Variants in KMT2C observed in about 807,000 individuals in gnomAD.
KMT2C encodes the protein histone-lysine N-methyltransferase 2C.
KMT2C carries 88 observed loss-of-function variants against 507.9 expected under a neutral mutation model. The observed-to-expected ratio is 0.17, with a 90% confidence interval of 0.15 to 0.21. KMT2C has a LOEUF of 0.21. Among genes scored for constraint, KMT2C ranks in the 10% least tolerant of loss-of-function variants. KMT2C has a pLI of 1.00. For synonymous variants in KMT2C, 2,049 were observed against 2,080.8 expected (o/e 0.98, Z 0.42); for missense variants, 4,954 against 5,957.8 (o/e 0.83, Z 5.55).
At chr7:152,154,494 G>C in intron 46 of KMT2C, 49 bp from the exon 47 acceptor site, 1 of 1,557,192 alleles carries the variant, frequency 6.4e-7, no homozygotes, top group Non-Finnish European at 8.8e-7. Context: ...CCACCACTGG[G>C]GGCTTCCTGT....
intron 13 of KMT2C, 48 bp downstream of exon 13, chr7:152,249,828 A>T (rs2095536157): frequency 8.5e-7 from 1 of 1,174,632 alleles, no homozygotes; most frequent in Non-Finnish European, 1.3e-6. Context: ...GGATAAAGAC[A>T]TTATCTTGTA....
intron 3 of KMT2C, among the ~76,000 whole-genome samples, chr7:152,323,084 C>CA (rs1470216195): frequency 6.6e-6 from 1 of 151,664 alleles, no homozygotes; most frequent in Non-Finnish European, 1.5e-5. Flanking sequence ...GTGGGGGTGT[C>CA]AATTAGTATA....
chr7:152,407,671 CA>C (rs11440446), intron 1 of KMT2C, among the ~76,000 whole-genome samples: 212 of 135,922 alleles, frequency 1.6e-3, no homozygotes, highest in East Asian at 9.4e-3. Context: ...GACTCTGTCT[CA>C]AAAAAAAAAA....
chr7:152,193,963 A>G (rs2093887167), intron 31 of KMT2C, 46 bp downstream of exon 31: 1 of 1,478,762 alleles, frequency 6.8e-7, no homozygotes, highest in Middle Eastern at 1.8e-4. Flanking sequence ...CCACATATAT[A>G]CACATGTGTG....
intron 44 of KMT2C, among the ~76,000 whole-genome samples, chr7:152,157,327 C>CA (rs5888464): frequency 0.034 from 1,975 of 58,596 alleles, 24 homozygotes; most frequent in Admixed American, 0.087. Context: ...GACCCTGTCT[C>CA]AAAAAAAAAA....
intron 1 of KMT2C, among the ~76,000 whole-genome samples, chr7:152,429,395 A>G (rs2097847857): frequency 6.6e-6 from 1 of 152,236 alleles, no homozygotes; most frequent in Admixed American, 6.5e-5. Flanking sequence ...GGCTTTTTCT[A>G]GAATATTACA....
chr7:152,176,908 C>T lies in KMT2C; in HGVS notation c.8545G>A (p.Val2849Ile), dbSNP rs2129113856. 3.7e-6 allele frequency: 6 copies of T among 1,614,188 alleles called. No individual in the cohort carries two copies. The highest frequency in any genetic ancestry group is 4.2e-6 in the Non-Finnish European group (5 of 1,180,036). Residue 2849 changes from valine to isoleucine, a missense_variant, in exon 38 of 59, where the codon GTT (valine) becomes ATT (isoleucine). Val to Ile is a conservative substitution (Grantham distance 29, BLOSUM62 3). Transcript: ENST00000262189. ...TEKNDENKDN[V>I]DTPCSQASAH... ...GAAGCCTGTGAGCAAGGAGTGTCAA[C>T]ATTATCTTTATTCTCATCATTTTTT...
rs147741272 is a variant in KMT2C, at chr7:152,224,521, C to A, written c.3072G>T (p.Leu1024=). The A allele has an allele frequency of 2.5e-6, 4 of 1,611,848 alleles. 1 individual carries two copies. The Admixed American group carries it at 5.0e-5, about 20-fold the overall frequency. Residue 1024 remains leucine, a synonymous_variant, in exon 19 of 59, where the codon CTG becomes CTT. Transcript: ENST00000262189. ...GATAACTTATGTCACAGTCATCACACAGCAGGAGTCTTCCTGGGTCAGTTG... is the reference window on the plus strand; with the variant it reads ...GATAACTTATGTCACAGTCATCACAAAGCAGGAGTCTTCCTGGGTCAGTTG... ...GKATDPGRLL[L]CDDCDISYHT...
At position 152,177,855 on chromosome 7, in the gene KMT2C, T is replaced by G. The variant is rs1563264348; in HGVS notation, c.7598A>C (p.Asn2533Thr). The change falls in exon 38 of 59, where the codon AAT (asparagine) becomes ACT (threonine). Residue 2533 changes from asparagine (N) to threonine (T), a missense_variant. By Grantham distance (65) the Asn-to-Thr change is moderately conservative. This residue lies in a region of KMT2C where 1,689 missense variants were observed against 1,654.3 expected (regional missense o/e 1.02). Transcript: ENST00000262189. Reference protein sequence around the residue: ...PRPLNNSQMNNPVGLPQHFSP... With the variant: ...PRPLNNSQMNTPVGLPQHFSP... ...AAAATGCTGAGGAAGTCCAACTGGATTATTCATTTGTGAGTTATTTAAAGG... is the reference window on the plus strand; with the variant it reads ...AAAATGCTGAGGAAGTCCAACTGGAGTATTCATTTGTGAGTTATTTAAAGG... The G allele has an allele frequency of 6.2e-7, 1 of 1,613,386 alleles. No individual in the cohort carries two copies. The highest frequency in any genetic ancestry group is 8.5e-7 in the Non-Finnish European group (1 of 1,179,822).
rs1359642342 is a variant in KMT2C, at chr7:152,174,174, T to C, written c.9331A>G (p.Met3111Val). The change falls in exon 39 of 59, where the codon ATG becomes GTG. Residue 3111 changes from methionine to valine, a missense_variant. Met to Val is a conservative substitution (Grantham distance 21). Transcript: ENST00000262189. ...MVALKGINKV[M>V]AQNNLGMPPM... Reference sequence around the variant, plus strand: ...GGCATGCCCAGATTGTTTTGTGCCATCACTTTATTTATACCTTTAAGGGCC... The same window carrying C: ...GGCATGCCCAGATTGTTTTGTGCCACCACTTTATTTATACCTTTAAGGGCC... The C allele has an allele frequency of 6.2e-7, 1 of 1,611,122 alleles. No individual in the cohort carries two copies. The highest frequency in any genetic ancestry group is 8.5e-7 in the Non-Finnish European group (1 of 1,178,498).
intron 6 of KMT2C, among the ~76,000 whole-genome samples, chr7:152,287,353 A>T (rs2096318624): frequency 6.6e-6 from 1 of 152,198 alleles, no homozygotes. Context: ...CAAAGGTGTA[A>T]TGCAAGTCCA....
chr7:152,263,440 TG>T (rs2129172570), intron 8 of KMT2C, among the ~76,000 whole-genome samples: 1 of 152,252 alleles, frequency 6.6e-6, no homozygotes, highest in African/African-American at 2.4e-5. Flanking sequence ...GAGAGGAAGG[TG>T]CTATAACTGA....
chr7:152,427,840 A>G (rs2097833792), intron 1 of KMT2C, among the ~76,000 whole-genome samples: 1 of 152,064 alleles, frequency 6.6e-6, no homozygotes, highest in Admixed American at 6.5e-5. Flanking sequence ...CATCCAATCT[A>G]TTTGGATGCC....
chr7:152,357,945 TTATC>T (rs969848441), intron 2 of KMT2C, among the ~76,000 whole-genome samples: 1 of 152,204 alleles, frequency 6.6e-6, no homozygotes, highest in Non-Finnish European at 1.5e-5. Flanking sequence ...TGTCTAAACT[TTATC>T]TAACAACTAT....
At chr7:152,192,841 A>T (rs1168233736) in intron 31 of KMT2C, among the ~76,000 whole-genome samples, 1 of 152,158 alleles carries the variant, frequency 6.6e-6, no homozygotes, top group Admixed American at 6.5e-5. Flanking sequence ...AGGCAGTGAC[A>T]ATAGGATAGA....
chr7:152,230,484 G>A (rs199817331), intron 16 of KMT2C, among the ~76,000 whole-genome samples, 163 bp from the exon 17 acceptor site: 4 of 152,002 alleles, frequency 2.6e-5, no homozygotes, highest in South Asian at 2.1e-4. Context: ...AAATGGAGTC[G>A]TGACATTTTA....
chr7:152,221,071 C>T (rs1460939625), intron 22 of KMT2C, among the ~76,000 whole-genome samples: 2 of 152,232 alleles, frequency 1.3e-5, no homozygotes, highest in East Asian at 3.9e-4. Context: ...TGCTGGCTAA[C>T]ACAGTGAAAC....
chr7:152,195,498 G>T (rs573660669), intron 28 of KMT2C: 8 of 976,082 alleles, frequency 8.2e-6, no homozygotes, highest in African/African-American at 1.8e-5. Context: ...CTAGTCAGCC[G>T]TCATCCATTG....
At position 152,364,934 on chromosome 7, in the gene KMT2C, G is replaced by GACAGAC. The variant is rs1554680382; in HGVS notation, c.162-6260_162-6259insGTCTGT. ...AGCACAACAAAATCTGAAACAGACA[G>GACAGAC]ACACACACACACACACACACACACA... is the stretch of plus-strand genomic sequence containing the variant. On this transcript the variant is annotated intron_variant, in intron 1 of 58. Transcript: ENST00000262189. 6.3e-3 allele frequency among the ~76,000 whole-genome samples: 876 copies of GACAGAC among 138,156 alleles called. 7 individuals carry two copies. Among genetic ancestry groups the GACAGAC allele is most frequent in the African/African-American group, 0.021 (759 of 36,566 alleles). 90.6% of individuals were successfully genotyped at this position (138,156 alleles called of 152,430 possible).
Sources: gnomAD v4.1 joint callset for allele counts (sites outside exome capture counted in the v4.1 genomes callset) on GRCh38, gnomAD v4.1.1 for gene constraint, gnomAD v4.1.1 regional missense constraint, MANE v1.5 for transcripts, NCBI Gene and HGNC (gene_info 2026-07-23, HGNC 2026-07-21) for gene names.